Variants in SMYD4 observed in about 807,000 individuals in gnomAD.
The protein encoded by SMYD4 is SET and MYND domain containing 4.
A neutral mutation model predicts 72.8 loss-of-function variants in SMYD4; 68 were observed. That is an observed-to-expected ratio of 0.93 (90% CI 0.77 to 1.14). SMYD4 has a LOEUF of 1.14. SMYD4 is among the 50% of genes most tolerant of loss of function. The pLI, the probability that SMYD4 is intolerant of heterozygous loss-of-function variation, is 0.00. For synonymous variants in SMYD4, 407 were observed against 388.6 expected (o/e 1.05, Z -0.56); for missense variants, 984 against 1,003.7 (o/e 0.98, Z 0.27).
At chr17:1,805,318 T>A (rs1229562078) in intron 3 of SMYD4, among the ~76,000 whole-genome samples, 2 of 152,042 alleles carry the variant, frequency 1.3e-5, no homozygotes, top group South Asian at 4.2e-4. Flanking sequence ...CTTGGGAGGC[T>A]GAGGCATGAG....
At chr17:1,797,617 G>A (rs1909473794) in intron 5 of SMYD4, among the ~76,000 whole-genome samples, 1 of 152,220 alleles carries the variant, frequency 6.6e-6, no homozygotes, top group Admixed American at 6.5e-5. Flanking sequence ...TGCAGTGTGG[G>A]GTGGAAGGCT....
At chr17:1,822,964 A>G (rs1194543131) in intron 2 of SMYD4, among the ~76,000 whole-genome samples, 1 of 152,208 alleles carries the variant, frequency 6.6e-6, no homozygotes, top group Non-Finnish European at 1.5e-5. Flanking sequence ...AGAAATGGAC[A>G]TACCCTTTAT....
chr17:1,812,423 A>G (rs1336586860), intron 2 of SMYD4, among the ~76,000 whole-genome samples: 1 of 151,848 alleles, frequency 6.6e-6, no homozygotes, highest in East Asian at 1.9e-4. Context: ...AGTAGCTGGC[A>G]CTAATTGGGA....
intron 3 of SMYD4, among the ~76,000 whole-genome samples, chr17:1,809,124 G>A (rs1188870387): frequency 1.3e-5 from 2 of 152,020 alleles, no homozygotes; most frequent in African/African-American, 2.4e-5. Flanking sequence ...CAATCCTCCC[G>A]CCTCGGTCTC....
intron 4 of SMYD4, among the ~76,000 whole-genome samples, chr17:1,802,466 C>A (rs1909821330): frequency 6.6e-6 from 1 of 152,046 alleles, no homozygotes; most frequent in Admixed American, 6.6e-5. Context: ...TGCACTCCAG[C>A]CTGGGTAACA....
At chr17:1,816,390 C>T (rs549857162) in intron 2 of SMYD4, among the ~76,000 whole-genome samples, 1 of 151,626 alleles carries the variant, frequency 6.6e-6, no homozygotes, top group Non-Finnish European at 1.5e-5. Flanking sequence ...GAGGCCGAGG[C>T]GGGTGGATCA....
chr17:1,786,632 C>T (rs1469097152), intron 7 of SMYD4, among the ~76,000 whole-genome samples, 178 bp downstream of exon 7: 1 of 152,182 alleles, frequency 6.6e-6, no homozygotes, highest in Non-Finnish European at 1.5e-5. Context: ...TAAATTGAAC[C>T]TTTCCCTGTG....
At chr17:1,794,410 C>T (rs569580400) in intron 5 of SMYD4, among the ~76,000 whole-genome samples, 7 of 151,340 alleles carry the variant, frequency 4.6e-5, no homozygotes, top group Non-Finnish European at 7.4e-5. Flanking sequence ...TGAGCCAACA[C>T]GCCCGGCCAT....
intron 2 of SMYD4, among the ~76,000 whole-genome samples, chr17:1,821,280 C>T (rs756907342): frequency 2.6e-5 from 4 of 151,974 alleles, no homozygotes; most frequent in Admixed American, 6.6e-5. Context: ...TTTGGGAGGC[C>T]GAGGAGGGTG....
Position 1,807,250 on chromosome 17 carries a change from G to A in SMYD4, c.280-2535C>T, listed in dbSNP as rs1030476668. 9.2e-5 allele frequency among the ~76,000 whole-genome samples: 14 copies of A among 151,568 alleles called. No homozygotes were observed. The East Asian group carries it at 9.7e-4, about 11-fold the overall frequency. ...CAGCAAAAGACAGGAAACAAGCATC[G>A]ATCCACAGGACACTGGTTACATAAA... On this transcript the variant is annotated intron_variant, in intron 3 of 10. Coordinates refer to ENST00000305513, the MANE Select transcript of SMYD4 (RefSeq NM_052928.3).
chr17:1,785,944 T>G (rs1330926648), intron 7 of SMYD4, among the ~76,000 whole-genome samples: 3 of 152,192 alleles, frequency 2.0e-5, no homozygotes, highest in Non-Finnish European at 4.4e-5. Flanking sequence ...GGTGGACATC[T>G]GCTGTGTTTC....
At chr17:1,786,706 C>G in intron 7 of SMYD4, 104 bp downstream of exon 7, 1 of 1,402,208 alleles carries the variant, frequency 7.1e-7, no homozygotes, top group South Asian at 1.3e-5. Flanking sequence ...TATTACTGGT[C>G]TCAGCACTTA....
At position 1,780,798 on chromosome 17, in the gene SMYD4, ATTT is replaced by A. The variant is rs1369158114; in HGVS notation, c.*485_*487del. ...CACCACGCCCGACTAATTTTTTTGT[ATTT>A]TTAGTAGAGACGGGGTTTCACCGTG... On this transcript the variant is annotated 3_prime_UTR_variant, in exon 11 of 11. Transcript: ENST00000305513. The A allele has an allele frequency of 6.6e-6, 1 of 150,864 alleles. No individual in the cohort carries two copies. Among genetic ancestry groups the A allele is most frequent in the Non-Finnish European group, 1.5e-5 (1 of 68,164 alleles). 9.3% of individuals were successfully genotyped at this position (150,864 alleles called of 1,614,324 possible).
intron 2 of SMYD4, among the ~76,000 whole-genome samples, chr17:1,813,874 A>G (rs1910454824): frequency 6.6e-6 from 1 of 152,234 alleles, no homozygotes; most frequent in South Asian, 2.1e-4. Flanking sequence ...TTTCCAATAA[A>G]AAGAAATAAT....
chr17:1,804,493 G>T, intron 4 of SMYD4, 133 bp downstream of exon 4: 1 of 779,330 alleles, frequency 1.3e-6, no homozygotes, highest in Non-Finnish European at 2.1e-6. Flanking sequence ...AGATATTAAT[G>T]TGCTTCCAAT....
At position 1,804,027 on chromosome 17, in the gene SMYD4, C is replaced by T. The variant is rs939291599; in HGVS notation, c.369+599G>A. Among the ~76,000 whole-genome samples the T allele has an allele frequency of 2.0e-5, 3 of 149,106 alleles. No individual in the cohort carries two copies. In the Admixed American group the frequency reaches 2.0e-4, roughly 10 times the overall value. ...AGTAGCTGGGACTACAGGTGCCTGC[C>T]ACCATGCCCAGCTCATTTTTTGTAT... On this transcript the variant is annotated intron_variant, in intron 4 of 10. Transcript: ENST00000305513.
chr17:1,785,763 C>CAAAAAAAAAAAAAAAAA (rs1355052619), intron 7 of SMYD4, among the ~76,000 whole-genome samples: 9 of 42,062 alleles, frequency 2.1e-4, no homozygotes, highest in African/African-American at 8.7e-4. Flanking sequence ...GACCCCATCT[C>CAAAAAAAAAAAAAAAAA]AAAAAAAAAA....
rs1002901775 is a variant in SMYD4 at position 1,829,761 on chromosome 17, C to G, written c.-48G>C. 3 of 206,766 alleles carry G rather than the reference C, an allele frequency of 1.5e-5. No homozygotes were observed. In the Admixed American group the frequency reaches 1.8e-4, roughly 12 times the overall value. The allele number at this position is 206,766 out of a possible 1,614,324, so 12.8% of individuals were successfully genotyped here. ...GCCAGAGACCGAGGCGAGAACGCCT[C>G]GAGAACCGCTCAGACGCGCCCGGAA... is the stretch of plus-strand genomic sequence containing the variant. On this transcript the variant is annotated 5_prime_UTR_variant, in exon 1 of 11. Transcript: ENST00000305513.
chr17:1,783,040 G>C lies in SMYD4; in HGVS notation c.2256C>G (p.Phe752Leu). The C allele has an allele frequency of 1.2e-6, 2 of 1,613,906 alleles. No homozygotes were observed. The highest frequency in any genetic ancestry group is 1.7e-6 in the Non-Finnish European group (2 of 1,179,958). The change falls in exon 10 of 11, where the codon TTC becomes TTG. Residue 752 changes from phenylalanine to leucine, a missense_variant. Phe to Leu is a conservative substitution (Grantham distance 22, BLOSUM62 0). Transcript: ENST00000305513. ...HELFKLAQIF[F>L]NGFAVPEALS... Reference sequence around the variant, plus strand: ...GAAGTGGGAAAGGGACTCACCCGTTGAAAAAGATCTGGGCCAATTTGAAGA... The same window carrying C: ...GAAGTGGGAAAGGGACTCACCCGTTCAAAAAGATCTGGGCCAATTTGAAGA...
Sources: gnomAD v4.1 joint callset for allele counts (sites outside exome capture counted in the v4.1 genomes callset) on GRCh38, gnomAD v4.1.1 for gene constraint, MANE v1.5 for transcripts, NCBI Gene and HGNC (gene_info 2026-07-23, HGNC 2026-07-21) for gene names.